The following ALDH1L1 variants were observed in gnomAD, a reference collection of about 807,000 sequenced individuals.
ALDH1L1 encodes the protein cytosolic 10-formyltetrahydrofolate dehydrogenase.
A neutral mutation model predicts 101.1 loss-of-function variants in ALDH1L1; 68 were observed. That is an observed-to-expected ratio of 0.67 (90% confidence interval 0.55 to 0.82). ALDH1L1 has a LOEUF of 0.82. ALDH1L1 is among the 40% of genes least tolerant of loss of function. The pLI is 0.00. For missense variants in ALDH1L1, 1,087 were observed against 1,172.7 expected (o/e 0.93, Z 1.07); for synonymous variants, 486 against 470.8 (o/e 1.03, Z -0.42).
rs530989667 is a variant in ALDH1L1, at chr3:126,172,895, T to G, written c.-24+7581A>C. Among the ~76,000 whole-genome samples the G allele has an allele frequency of 5.3e-5, 8 of 152,046 alleles. No homozygotes were observed. The East Asian group carries it at 1.6e-3, about 29-fold the overall frequency. ...ACCTATAGAGGGAGAGAGATGAGGA[T>G]TACATCAAACGTCTCTTCATAAACC... is the stretch of plus-strand genomic sequence containing the variant. On this transcript the variant is annotated intron_variant, in intron 1 of 22. Coordinates refer to ENST00000393434, the MANE Select transcript of ALDH1L1 (RefSeq NM_012190.4).
chr3:126,104,184 T>C (rs916279823), intron 22 of ALDH1L1: 12 of 357,898 alleles, frequency 3.4e-5, no homozygotes, highest in Non-Finnish European at 5.6e-5. Context: ...GCCCATCTCT[T>C]CTCTCATGGC....
chr3:126,134,281 C>CG (rs1163708165), intron 12 of ALDH1L1, among the ~76,000 whole-genome samples: 3 of 152,212 alleles, frequency 2.0e-5, no homozygotes, highest in African/African-American at 7.2e-5. Context: ...AGGGTGCCCC[C>CG]CTCACTGTCA....
At chr3:126,148,713 A>G (rs777572208) in intron 8 of ALDH1L1, among the ~76,000 whole-genome samples, 1 of 150,010 alleles carries the variant, frequency 6.7e-6, no homozygotes, top group Non-Finnish European at 1.5e-5. Context: ...TACTGCATAG[A>G]GTTGTTATCA....
At chr3:126,104,777 G>C (rs115234547) in intron 22 of ALDH1L1, 1 of 152,918 alleles carries the variant, frequency 6.5e-6, no homozygotes, top group Admixed American at 6.5e-5. Context: ...TGGGGGCAGG[G>C]GGAGGAGAGA....
intron 1 of ALDH1L1, among the ~76,000 whole-genome samples, chr3:126,190,063 A>G (rs2081543298): frequency 6.6e-6 from 1 of 152,208 alleles, no homozygotes; most frequent in African/African-American, 2.4e-5. Flanking sequence ...ATTCTTCTCC[A>G]GGGGCGCCCC....
intron 2 of ALDH1L1, chr3:126,159,390 G>T (rs1488341279): frequency 2.2e-6 from 1 of 456,294 alleles, no homozygotes; most frequent in Non-Finnish European, 4.4e-6. Flanking sequence ...TACAGTGGCA[G>T]CTGCTTCCTG....
chr3:126,196,894 C>T (rs767330346), intron 1 of ALDH1L1, among the ~76,000 whole-genome samples: 1 of 152,212 alleles, frequency 6.6e-6, no homozygotes, highest in Non-Finnish European at 1.5e-5. Context: ...ACTGGGCAGT[C>T]TCCATCGCCC....
intron 12 of ALDH1L1, among the ~76,000 whole-genome samples, chr3:126,132,460 T>G (rs2080334060): frequency 6.6e-6 from 1 of 152,186 alleles, no homozygotes; most frequent in Non-Finnish European, 1.5e-5. Flanking sequence ...TCCTGGCCAT[T>G]TCCATTTCAT....
upstream of ALDH1L1, among the ~76,000 whole-genome samples, chr3:126,184,637 A>G (rs534682685): frequency 6.6e-6 from 1 of 152,322 alleles, no homozygotes; most frequent in South Asian, 2.1e-4. Flanking sequence ...TCTGGGTAGA[A>G]CAATGGGGGC....
At chr3:126,124,328 A>G in intron 16 of ALDH1L1, 36 bp downstream of exon 16, 1 of 1,566,896 alleles carries the variant, frequency 6.4e-7, no homozygotes. Context: ...TCCAGCTGCC[A>G]GAAGCCCTAG....
upstream of ALDH1L1, among the ~76,000 whole-genome samples, chr3:126,184,617 A>G (rs2081501907): frequency 6.6e-6 from 1 of 152,170 alleles, no homozygotes; most frequent in Non-Finnish European, 1.5e-5. Context: ...GTGCACTTAC[A>G]CAGCCCAAGT....
intron 10 of ALDH1L1, 58 bp from the exon 11 acceptor site, chr3:126,136,941 C>T: frequency 1.9e-6 from 3 of 1,603,172 alleles, no homozygotes. Context: ...GAAGCATACA[C>T]AGATGGCCAC....
At chr3:126,103,921 C>T (rs555841565) in intron 22 of ALDH1L1, 75 bp from the exon 23 acceptor site, 3 of 1,533,264 alleles carry the variant, frequency 2.0e-6, no homozygotes, top group South Asian at 2.3e-5. Context: ...GTGTCTTATT[C>T]CTCAGCAACC....
chr3:126,104,149 T>A, intron 22 of ALDH1L1: 2 of 474,682 alleles, frequency 4.2e-6, no homozygotes, highest in Non-Finnish European at 7.6e-6. Context: ...GTGGAGAGAC[T>A]TGGCGTTACT....
chr3:126,131,500 G>C lies in ALDH1L1; in HGVS notation c.1507C>G (p.Leu503Val). 6.2e-7 allele frequency: 1 copy of C among 1,612,900 alleles called. No individual in the cohort carries two copies. The highest frequency in any genetic ancestry group is 1.7e-4 in the Middle Eastern group (1 of 6,036). Residue 503 changes from leucine (L) to valine (V), a missense_variant, in exon 13 of 23, where the codon CTG becomes GTG. Physicochemically the swap from Leu to Val is conservative, Grantham distance 32 (BLOSUM62 1). Transcript: ENST00000393434. ...ADLMEQHQEE[L>V]ATIEALDAGA... ...GCATCCAGGGCCTCAATGGTGGCCA[G>C]CTCCTCCTGGTGCTGCTCCATGAGA...
At chr3:126,123,314 G>A (rs2080115641) in intron 16 of ALDH1L1, among the ~76,000 whole-genome samples, 1 of 150,194 alleles carries the variant, frequency 6.7e-6, no homozygotes, top group Non-Finnish European at 1.5e-5. Flanking sequence ...CTGAAGTGCA[G>A]TGGCACAATC....
upstream of ALDH1L1, among the ~76,000 whole-genome samples, chr3:126,184,541 C>CAG (rs1422099648): frequency 6.6e-6 from 1 of 152,226 alleles, no homozygotes; most frequent in Non-Finnish European, 1.5e-5. Context: ...ATAAGCCCTG[C>CAG]AGAGAGAGCC....
chr3:126,184,601 A>G (rs1576509818), upstream of ALDH1L1, among the ~76,000 whole-genome samples: 1 of 152,178 alleles, frequency 6.6e-6, no homozygotes, highest in South Asian at 2.1e-4. Context: ...TCCCAGGGAA[A>G]GCAGTGTGCA....
At chr3:126,142,725 A>C (rs1242787547) in intron 9 of ALDH1L1, among the ~76,000 whole-genome samples, 1 of 152,224 alleles carries the variant, frequency 6.6e-6, no homozygotes, top group Non-Finnish European at 1.5e-5. Context: ...AAAAATCCAC[A>C]GCTAACATAC....
Sources: gnomAD v4.1 joint callset for allele counts (sites outside exome capture counted in the v4.1 genomes callset) on GRCh38, gnomAD v4.1.1 for gene constraint, MANE v1.5 for transcripts, NCBI Gene and HGNC (gene_info 2026-07-23, HGNC 2026-07-21) for gene names.